MMP26: variants seen among roughly 807,000 people sequenced by gnomAD.
The protein encoded by MMP26 is matrix metalloproteinase-26.
Under a neutral mutation model 31.0 loss-of-function variants are expected in MMP26, and 33 were observed. That is an observed-to-expected ratio of 1.06 (90% CI 0.81 to 1.42). MMP26 has a LOEUF of 1.42. MMP26 is among the 40% of genes most tolerant of loss of function. The pLI, the probability that MMP26 is intolerant of heterozygous loss-of-function variation, is 0.00. For synonymous variants in MMP26, 122 were observed against 114.9 expected (o/e 1.06, Z -0.40); for missense variants, 347 against 316.1 (o/e 1.10, Z -0.74).
chr11:4,726,993 G>T (rs1003882804), intron 1 of MMP26, among the ~76,000 whole-genome samples: 1 of 152,116 alleles, frequency 6.6e-6, no homozygotes, highest in Non-Finnish European at 1.5e-5. Flanking sequence ...TCCATCCTGG[G>T]TGAAGACCGG....
chr11:4,895,767 A>C (rs1298988062), intron 2 of MMP26, among the ~76,000 whole-genome samples: 1 of 152,178 alleles, frequency 6.6e-6, no homozygotes, highest in Non-Finnish European at 1.5e-5. Flanking sequence ...CTACAAGAAA[A>C]TAAAAATAGT....
intron 2 of MMP26, chr11:4,943,310 T>A (rs1381785895): frequency 2.3e-5 from 7 of 310,740 alleles, no homozygotes; most frequent in African/African-American, 1.5e-4. Flanking sequence ...GATTAATAAG[T>A]CTTTTAACAT....
At chr11:4,827,830 T>C (rs1849598602) in intron 2 of MMP26, among the ~76,000 whole-genome samples, 1 of 150,786 alleles carries the variant, frequency 6.6e-6, no homozygotes, top group Non-Finnish European at 1.5e-5. Flanking sequence ...ATTGTTTTTC[T>C]CCCTAAAAAA....
intron 2 of MMP26, among the ~76,000 whole-genome samples, chr11:4,800,994 G>T (rs768488746): frequency 1.3e-4 from 20 of 152,148 alleles, no homozygotes; most frequent in Non-Finnish European, 2.5e-4. Flanking sequence ...TCATCAGCCT[G>T]GATTTTACTG....
At chr11:4,747,505 A>G (rs1208062648) in intron 1 of MMP26, among the ~76,000 whole-genome samples, 1 of 152,214 alleles carries the variant, frequency 6.6e-6, no homozygotes, top group Non-Finnish European at 1.5e-5. Context: ...GAGAAGTCAG[A>G]AAGAGAGTGG....
intron 2 of MMP26, chr11:4,944,104 T>G (rs1337397673): frequency 2.2e-6 from 1 of 455,414 alleles, no homozygotes; most frequent in Non-Finnish European, 4.4e-6. Flanking sequence ...ATATCTGTAT[T>G]TGTAAGGTTT....
chr11:4,804,021 A>G, intron 2 of MMP26: 1 of 1,613,992 alleles, frequency 6.2e-7, no homozygotes, highest in African/African-American at 1.3e-5. Context: ...CCAGGGCCAT[A>G]GCCATGAGCA....
intron 2 of MMP26, among the ~76,000 whole-genome samples, chr11:4,790,979 GA>G (rs1490199304): frequency 6.6e-6 from 1 of 152,028 alleles, no homozygotes; most frequent in Non-Finnish European, 1.5e-5. Context: ...TGCTACCTTC[GA>G]AGTACATTAT....
intron 2 of MMP26, among the ~76,000 whole-genome samples, chr11:4,825,269 A>T (rs564631043): frequency 6.6e-6 from 1 of 152,302 alleles, no homozygotes; most frequent in African/African-American, 2.4e-5. Context: ...ACATTCCAGG[A>T]ATGAGGATCT....
At chr11:4,899,957 CTCT>C (rs1448921175) in intron 2 of MMP26, among the ~76,000 whole-genome samples, 2 of 152,134 alleles carry the variant, frequency 1.3e-5, no homozygotes, top group South Asian at 2.1e-4. Flanking sequence ...TTAATTTCAG[CTCT>C]TTTGTTCCCA....
intron 1 of MMP26, chr11:4,736,538 C>T (rs117139668): frequency 2.0e-5 from 3 of 152,264 alleles, no homozygotes; most frequent in Non-Finnish European, 4.4e-5. Context: ...CAGAACATGA[C>T]AGCTGGATGA....
At position 4,882,443 on chromosome 11, in the gene MMP26, T is replaced by TACCACCCC. The variant is rs564566592; in HGVS notation, c.-144-105618_-144-105617insCACCACCC. The stretch of plus-strand genomic sequence containing the variant: ...TCACGAGCTTTCCCATCCATTTTGC[T>TACCACCCC]ACCACCCAGAAGTGATCAAATACAC... On this transcript the variant is annotated intron_variant, in intron 2 of 7. Coordinates refer to ENST00000380390, the MANE Select transcript of MMP26 (RefSeq NM_021801.5). The TACCACCCC allele has an allele frequency of 8.3e-3, 13,393 of 1,613,878 alleles. 77 individuals are homozygous for TACCACCCC. The highest frequency in any genetic ancestry group is 0.01 in the Non-Finnish European group (12,183 of 1,179,876).
chr11:4,763,439 T>C (rs1848592840), intron 1 of MMP26, among the ~76,000 whole-genome samples: 1 of 152,230 alleles, frequency 6.6e-6, no homozygotes, highest in Non-Finnish European at 1.5e-5. Flanking sequence ...TTAATTACTT[T>C]ACACCTTTCA....
In MMP26 at chr11:4,942,089, C is replaced by CAAAA. The variant is rs201626472; in HGVS notation, c.-144-45961_-144-45958dup. Among the ~76,000 whole-genome samples, 363 of 37,114 alleles carry CAAAA rather than the reference C, an allele frequency of 9.8e-3. 29 individuals carry two copies. Among genetic ancestry groups the CAAAA allele is most frequent in the African/African-American group, 0.03 (267 of 8,942 alleles). The allele number at this position is 37,114 out of a possible 152,430, so 24.3% of individuals were successfully genotyped here. ...TGGGCAGCAGAATGAGAGTCCATCT[C>CAAAA]AAAAAAAAAAAAAAAAAAAAAGGAA... On this transcript the variant is annotated intron_variant, in intron 2 of 7. Coordinates refer to ENST00000380390, the MANE Select transcript of MMP26 (RefSeq NM_021801.5).
intron 2 of MMP26, among the ~76,000 whole-genome samples, chr11:4,818,799 G>A (rs1338139642): frequency 6.6e-6 from 1 of 152,108 alleles, no homozygotes; most frequent in African/African-American, 2.4e-5. Flanking sequence ...ATAAATGGAT[G>A]TTGTTATTGC....
At chr11:4,832,428 G>C (rs1233943961) in intron 2 of MMP26, 4 of 152,944 alleles carry the variant, frequency 2.6e-5, no homozygotes, top group African/African-American at 9.7e-5. Flanking sequence ...GCTGATACAT[G>C]CATTGCCCAG....
chr11:4,734,896 G>A (rs1848219363), intron 1 of MMP26, among the ~76,000 whole-genome samples: 1 of 132,684 alleles, frequency 7.5e-6, no homozygotes, highest in African/African-American at 3.0e-5. Context: ...TTGAGCTGGG[G>A]AAAGGGTGAT....
At chr11:4,890,562 G>A (rs1652637728) in intron 2 of MMP26, 1 of 152,368 alleles carries the variant, frequency 6.6e-6, no homozygotes, top group African/African-American at 2.4e-5. Flanking sequence ...AAAGAAGGTG[G>A]TAATCGCAAT....
intron 1 of MMP26, among the ~76,000 whole-genome samples, chr11:4,757,380 A>G (rs1848517695): frequency 6.6e-6 from 1 of 152,136 alleles, no homozygotes; most frequent in South Asian, 2.1e-4. Flanking sequence ...AGAAACTTCT[A>G]GAAAAAAAAT....
Sources: gnomAD v4.1 joint callset for allele counts (sites outside exome capture counted in the v4.1 genomes callset) on GRCh38, gnomAD v4.1.1 for gene constraint, MANE v1.5 for transcripts, NCBI Gene and HGNC (gene_info 2026-07-23, HGNC 2026-07-21) for gene names.